Variants in RASA3 observed in about 807,000 individuals in gnomAD.
RASA3 encodes the protein RAS p21 protein activator 3.
In RASA3, 73 loss-of-function variants were observed where a neutral mutation model predicts 110.0. The observed-to-expected ratio is 0.66, with a 90% CI of 0.55 to 0.81. The LOEUF (loss-of-function observed/expected upper bound fraction) is 0.81, where lower values mean the gene tolerates loss of function less well. RASA3 is among the 30% of genes least tolerant of loss of function. The pLI, the probability that RASA3 is intolerant of heterozygous loss-of-function variation, is 0.00. For missense variants in RASA3, 976 were observed against 1,113.2 expected (o/e 0.88, Z 1.75); for synonymous variants, 500 against 451.4 (o/e 1.11, Z -1.37).
At chr13:114,127,578 C>G (rs1173328401) in intron 1 of RASA3, among the ~76,000 whole-genome samples, 2 of 152,210 alleles carry the variant, frequency 1.3e-5, no homozygotes, top group African/African-American at 4.8e-5. Context: ...CATGATTCCC[C>G]CCATTCCAAT....
At chr13:114,132,316 C>G (rs981522142) in intron 1 of RASA3, 119 bp downstream of exon 1, 4 of 1,101,440 alleles carry the variant, frequency 3.6e-6, no homozygotes, top group Non-Finnish European at 4.7e-6. Flanking sequence ...GGGAGCGCGC[C>G]GCGCCTGGAG....
At chr13:114,025,131 C>T (rs573001826) in intron 7 of RASA3, among the ~76,000 whole-genome samples, 20 of 152,384 alleles carry the variant, frequency 1.3e-4, no homozygotes, top group Admixed American at 5.9e-4. Flanking sequence ...TCCCTGCCCC[C>T]CCTTCTCCGG....
intron 15 of RASA3, among the ~76,000 whole-genome samples, chr13:114,012,228 G>A (rs545093941): frequency 2.0e-5 from 3 of 151,992 alleles, no homozygotes; most frequent in African/African-American, 7.2e-5. Flanking sequence ...ACACTGTCTC[G>A]ACTCCCCCAG....
chr13:114,116,921 TGAGCACGTGTGTGAGGG>T (rs1566585010), intron 1 of RASA3, among the ~76,000 whole-genome samples: 3 of 52,370 alleles, frequency 5.7e-5, no homozygotes, highest in African/African-American at 1.3e-4. Flanking sequence ...GTGTGAGGGG[TGAGCACGTGTGTGAGGG>T]GAGCACGTGT....
chr13:114,079,329 A>G (rs1176701221), intron 1 of RASA3, among the ~76,000 whole-genome samples: 4 of 152,200 alleles, frequency 2.6e-5, no homozygotes, highest in African/African-American at 9.6e-5. Flanking sequence ...TGCATGGTCC[A>G]GCGAAAGCAA....
At chr13:114,094,238 C>T (rs1455348806) in intron 1 of RASA3, among the ~76,000 whole-genome samples, 1 of 152,120 alleles carries the variant, frequency 6.6e-6, no homozygotes, top group African/African-American at 2.4e-5. Flanking sequence ...ACTCAATAAA[C>T]TAAACATAGC....
intron 3 of RASA3, among the ~76,000 whole-genome samples, chr13:114,049,647 C>CA (rs2079110609): frequency 6.6e-6 from 1 of 152,270 alleles, no homozygotes; most frequent in South Asian, 2.1e-4. Context: ...GACACACGGT[C>CA]ACACCTCAAT....
intron 2 of RASA3, among the ~76,000 whole-genome samples, chr13:114,054,317 T>C (rs2079200765): frequency 6.6e-6 from 1 of 152,040 alleles, no homozygotes. Flanking sequence ...CAAAGACAAA[T>C]GGCCAACAAT....
intron 3 of RASA3, among the ~76,000 whole-genome samples, chr13:114,042,687 G>A (rs753490650): frequency 6.2e-4 from 94 of 152,230 alleles, no homozygotes; most frequent in Admixed American, 1.1e-3. Flanking sequence ...TCTCTTCCAA[G>A]GAAGATCCTT....
intron 3 of RASA3, among the ~76,000 whole-genome samples, chr13:114,050,270 C>A (rs987756185): frequency 6.6e-6 from 1 of 152,234 alleles, no homozygotes; most frequent in Non-Finnish European, 1.5e-5. Context: ...CACAGCAAGA[C>A]CCTGAAGGGG....
chr13:114,061,780 C>T (rs748718307), intron 2 of RASA3, among the ~76,000 whole-genome samples: 8 of 152,236 alleles, frequency 5.3e-5, no homozygotes, highest in African/African-American at 1.4e-4. Context: ...CATTACAAAG[C>T]GTGGCAGGCT....
chr13:114,122,609 G>GC (rs908398103), intron 1 of RASA3, among the ~76,000 whole-genome samples: 2 of 152,244 alleles, frequency 1.3e-5, no homozygotes, highest in African/African-American at 4.8e-5. Context: ...GAGCACCTGG[G>GC]CCCGGGGGTG....
rs985082201 is a variant in RASA3 at position 114,023,260 on chromosome 13, C to T, written c.680+1019G>A. ...CCCAGGCTCGGGGACATCCCAGGCT[C>T]GGGGAACATCCCAGGCTCGGGGAAC... is the stretch of plus-strand genomic sequence containing the variant. On this transcript the variant is annotated intron_variant, in intron 8 of 23. Coordinates refer to ENST00000334062, the MANE Select transcript of RASA3 (RefSeq NM_007368.4). Among the ~76,000 whole-genome samples the T allele has an allele frequency of 2.7e-5, 4 of 147,822 alleles. No individual in the cohort carries two copies. In the South Asian group the frequency reaches 6.2e-4, roughly 23 times the overall value.
At chr13:113,999,957 GGGGGGGGTCTCTGCT>G (rs1424307471) in intron 19 of RASA3, among the ~76,000 whole-genome samples, 2 of 26,014 alleles carry the variant, frequency 7.7e-5, no homozygotes, top group African/African-American at 1.6e-4. Context: ...GTCTCTGCTG[GGGGGGGGTCTCTGCT>G]GGGGGGGTCT....
chr13:114,094,804 C>T (rs2079924097), intron 1 of RASA3, among the ~76,000 whole-genome samples: 1 of 152,220 alleles, frequency 6.6e-6, no homozygotes, highest in African/African-American at 2.4e-5. Flanking sequence ...AATATACACT[C>T]AGTAAATAGA....
At chr13:114,041,220 G>T in intron 3 of RASA3, 126 bp from the exon 4 acceptor site, 1 of 828,848 alleles carries the variant, frequency 1.2e-6, no homozygotes, top group Non-Finnish European at 1.9e-6. Flanking sequence ...TGGGGCACCG[G>T]CCGGGTGCGG....
chr13:114,013,694 GTC>G (rs66726231), intron 14 of RASA3, among the ~76,000 whole-genome samples: 45,338 of 78,296 alleles, frequency 0.58, 13,393 homozygotes, highest in African/African-American at 0.8. Context: ...CCCTATCTCT[GTC>G]TCTCTCTCTC....
At chr13:114,043,117 C>A (rs950735948) in intron 3 of RASA3, among the ~76,000 whole-genome samples, 1 of 149,870 alleles carries the variant, frequency 6.7e-6, no homozygotes, top group Admixed American at 6.6e-5. Context: ...CCACCAGGCC[C>A]CTCCTTTGTC....
intron 1 of RASA3, among the ~76,000 whole-genome samples, chr13:114,123,136 G>C (rs992335132): frequency 2.6e-5 from 4 of 152,184 alleles, no homozygotes; most frequent in East Asian, 1.9e-4. Context: ...TCAGAGGAGG[G>C]GGGCCGGAAA....
Sources: allele counts gnomAD v4.1 joint callset (sites outside exome capture counted in the v4.1 genomes callset), GRCh38; gene constraint gnomAD v4.1.1; transcripts MANE v1.5; gene names NCBI Gene and HGNC (gene_info 2026-07-23, HGNC 2026-07-21).